WAC: variants seen among roughly 807,000 people sequenced by gnomAD.
WAC encodes the protein WW domain containing adaptor with coiled-coil, also known as WW domain-containing adapter protein with coiled-coil.
WAC carries 11 observed loss-of-function variants against 79.6 expected under a neutral mutation model. That is an observed-to-expected ratio of 0.14 (90% CI 0.09 to 0.23). WAC has a LOEUF of 0.23. WAC is among the 10% of genes least tolerant of loss of function. The pLI, the probability that WAC is intolerant of heterozygous loss-of-function variation, is 1.00. For missense variants in WAC, 728 were observed against 773.5 expected, an observed-to-expected ratio of 0.94 and a Z score of 0.70; for synonymous variants, 304 against 276.9, an observed-to-expected ratio of 1.10 and a Z score of -0.97.
Position 28,622,050 on chromosome 10 carries a change from T to C in WAC, c.*2444T>C, listed in dbSNP as rs167967. The C allele has an allele frequency of 0.58, 88,220 of 151,974 alleles. 26,232 individuals are homozygous for C. Among genetic ancestry groups the C allele is most frequent in the African/African-American group, 0.69 (28,474 of 41,450 alleles). 9.4% of individuals were successfully genotyped at this position (151,974 alleles called of 1,614,324 possible). ...GCACCACCACGCCTGGCTAATTTTG[T>C]ATTTTTAGTAGAGATGGGGTTTCTC... On this transcript the variant is annotated 3_prime_UTR_variant, in exon 14 of 14. Coordinates refer to ENST00000354911, the MANE Select transcript of WAC (RefSeq NM_016628.5).
In WAC at chr10:28,538,988, A is replaced by G. The variant is rs76377923; in HGVS notation, c.274+3231A>G. ...CATGTAAAAAACTTAAGATTACAGC[A>G]GGTTACTTACTATATGCATTGAACT... is the stretch of plus-strand genomic sequence containing the variant. On this transcript the variant is annotated intron_variant, in intron 3 of 13. Transcript: ENST00000354911. Among the ~76,000 whole-genome samples, 903 of 152,278 alleles carry G rather than the reference A, an allele frequency of 5.9e-3. 10 individuals are homozygous for G. The highest frequency in any genetic ancestry group is 0.021 in the African/African-American group (866 of 41,568).
chr10:28,583,599 A>T, intron 4 of WAC, 94 bp downstream of exon 4: 2 of 855,584 alleles, frequency 2.3e-6, no homozygotes, highest in Non-Finnish European at 3.5e-6. Context: ...GTAAAATCTA[A>T]TGTCTTTTTT....
intron 3 of WAC, among the ~76,000 whole-genome samples, chr10:28,545,595 T>C (rs1331307915): frequency 6.6e-6 from 1 of 152,222 alleles, no homozygotes; most frequent in Non-Finnish European, 1.5e-5. Flanking sequence ...AAGTGGACAT[T>C]AAGGAATGTG....
chr10:28,616,203 T>C lies in WAC; in HGVS notation c.1587T>C (p.Asn529=). The change falls in exon 12 of 14, where the codon AAT becomes AAC. Residue 529 remains asparagine (N), a synonymous_variant. Coordinates refer to ENST00000354911, the MANE Select transcript of WAC (RefSeq NM_016628.5). ...AGAGAAGTCCATCACCTGGTCCCAATCATACTTCTAATAGTAGTAATGCAT... is the reference window on the plus strand; with the variant it reads ...AGAGAAGTCCATCACCTGGTCCCAACCATACTTCTAATAGTAGTAATGCAT... ...SSQRSPSPGP[N]HTSNSSNASN... The C allele has an allele frequency of 6.2e-7, 1 of 1,609,898 alleles. No homozygotes were observed. Among genetic ancestry groups the C allele is most frequent in the Non-Finnish European group, 8.5e-7 (1 of 1,177,484 alleles).
chr10:28,610,684 A>G lies in WAC; in HGVS notation c.1166-15A>G. On this transcript the variant is annotated splice_polypyrimidine_tract_variant and intron_variant, in intron 8 of 13. Coordinates refer to ENST00000354911, the MANE Select transcript of WAC (RefSeq NM_016628.5). ...TCTTGTTTTTATATGAATGTATGAAATAATATGTTTTTAGTTCTTACAGCA... is the reference window on the plus strand; with the variant it reads ...TCTTGTTTTTATATGAATGTATGAAGTAATATGTTTTTAGTTCTTACAGCA... 1.2e-6 allele frequency: 2 copies of G among 1,600,998 alleles called. No individual in the cohort carries two copies. Among genetic ancestry groups the G allele is most frequent in the Non-Finnish European group, 1.7e-6 (2 of 1,176,582 alleles).
chr10:28,590,573 C>T (rs1840033872), intron 5 of WAC, 147 bp from the exon 6 acceptor site: 2 of 633,126 alleles, frequency 3.2e-6, no homozygotes, highest in Non-Finnish European at 5.3e-6. Context: ...TGCTACGTTC[C>T]ATCTCACACA....
intron 3 of WAC, among the ~76,000 whole-genome samples, chr10:28,544,880 A>G (rs1837264410): frequency 6.6e-6 from 1 of 152,074 alleles, no homozygotes; most frequent in Admixed American, 6.5e-5. Context: ...CCTGTGCAAC[A>G]TAGTAAAACC....
chr10:28,562,891 A>G (rs2132496188), intron 3 of WAC, among the ~76,000 whole-genome samples: 1 of 152,010 alleles, frequency 6.6e-6, no homozygotes, highest in Non-Finnish European at 1.5e-5. Context: ...TGAAAAATGT[A>G]TTTTTTACTA....
chr10:28,555,410 A>C (rs939511309), intron 3 of WAC, among the ~76,000 whole-genome samples: 1 of 145,980 alleles, frequency 6.9e-6, no homozygotes, highest in African/African-American at 2.6e-5. Context: ...TTATTCAGTG[A>C]TACTTGTTTA....
chr10:28,606,478 C>T (rs943264426), intron 7 of WAC, among the ~76,000 whole-genome samples: 18 of 152,144 alleles, frequency 1.2e-4, no homozygotes, highest in Admixed American at 2.6e-4. Flanking sequence ...TATACCCTTA[C>T]GCAAATAAAA....
chr10:28,622,654 T>C lies in WAC; in HGVS notation c.*3048T>C, dbSNP rs903223088. ...CTGTTTCAAGACATTATGCTTCTTT[T>C]AACAGTCCAAATTAGTAGTTTTATT... On this transcript the variant is annotated 3_prime_UTR_variant, in exon 14 of 14. Coordinates refer to ENST00000354911, the MANE Select transcript of WAC (RefSeq NM_016628.5). 1.3e-5 allele frequency: 2 copies of C among 152,184 alleles called. No individual in the cohort carries two copies. Among genetic ancestry groups the C allele is most frequent in the African/African-American group, 4.8e-5 (2 of 41,454 alleles). The allele number at this position is 152,184 out of a possible 1,614,324, so 9.4% of individuals were successfully genotyped here.
chr10:28,608,849 T>C (rs1294378445), intron 8 of WAC, among the ~76,000 whole-genome samples: 2 of 152,182 alleles, frequency 1.3e-5, no homozygotes, highest in African/African-American at 4.8e-5. Context: ...ACTAGAAAAG[T>C]AGGAATTCAG....
intron 3 of WAC, among the ~76,000 whole-genome samples, chr10:28,558,136 A>G (rs1838099457): frequency 6.6e-6 from 1 of 152,214 alleles, no homozygotes; most frequent in Non-Finnish European, 1.5e-5. Context: ...CTTGTGGGTC[A>G]TCTTTTGGCC....
intron 3 of WAC, among the ~76,000 whole-genome samples, chr10:28,550,122 TCACACCACTG>T (rs1332393645): frequency 6.7e-6 from 1 of 148,458 alleles, no homozygotes. Context: ...TGAGCGGAGA[TCACACCACTG>T]CACTCCAGTG....
intron 3 of WAC, among the ~76,000 whole-genome samples, chr10:28,546,131 C>G (rs368808561): frequency 6.6e-6 from 1 of 152,174 alleles, no homozygotes; most frequent in Non-Finnish European, 1.5e-5. Context: ...TTACTTCTGA[C>G]TTTGTATGAC....
intron 3 of WAC, among the ~76,000 whole-genome samples, chr10:28,583,014 A>T (rs1839619760): frequency 6.6e-6 from 1 of 152,176 alleles, no homozygotes; most frequent in African/African-American, 2.4e-5. Context: ...GATAACAGTG[A>T]CTTTTAGTTC....
At chr10:28,535,824 G>A (rs1251629048) in intron 3 of WAC, 67 bp downstream of exon 3, 1 of 1,335,242 alleles carries the variant, frequency 7.5e-7, no homozygotes, top group Non-Finnish European at 1.0e-6. Context: ...AAAGGCGGCA[G>A]TAGTATTTCT....
At chr10:28,578,920 G>GC (rs1839387236) in intron 3 of WAC, among the ~76,000 whole-genome samples, 1 of 152,040 alleles carries the variant, frequency 6.6e-6, no homozygotes. Context: ...ATTTGCCCTG[G>GC]CTAAGCACTG....
intron 3 of WAC, among the ~76,000 whole-genome samples, chr10:28,561,496 T>A (rs1838296531): frequency 7.1e-6 from 1 of 141,484 alleles, no homozygotes; most frequent in Non-Finnish European, 1.6e-5. Flanking sequence ...CACTTTTAAA[T>A]GTTTTTTTTT....
Sources: allele counts gnomAD v4.1 joint callset (sites outside exome capture counted in the v4.1 genomes callset), GRCh38; gene constraint gnomAD v4.1.1; transcripts MANE v1.5; gene names NCBI Gene and HGNC (gene_info 2026-07-23, HGNC 2026-07-21).